Variants in RAD51B observed in about 807,000 individuals in gnomAD.
RAD51B encodes RAD51 paralog B.
RAD51B carries 38 observed loss-of-function variants against 42.2 expected under a neutral mutation model. The observed-to-expected ratio is 0.90, with a 90% CI of 0.70 to 1.18. The LOEUF (loss-of-function observed/expected upper bound fraction) is 1.18. Ranked by LOEUF, RAD51B falls within the 50% of genes most tolerant of loss-of-function variation. RAD51B has a pLI of 0.00. For synonymous variants in RAD51B, 154 were observed against 145.2 expected (o/e 1.06, Z -0.43); for missense variants, 373 against 400.7 (o/e 0.93, Z 0.59).
intron 8 of RAD51B, among the ~76,000 whole-genome samples, chr14:68,383,467 A>G (rs745394487): frequency 5.9e-5 from 9 of 152,232 alleles, no homozygotes; most frequent in African/African-American, 1.9e-4. Context: ...CATGTGGTAT[A>G]TAACACAGAT....
intron 10 of RAD51B, among the ~76,000 whole-genome samples, chr14:68,553,953 C>T (rs1343744466): frequency 1.3e-5 from 2 of 152,124 alleles, no homozygotes; most frequent in Non-Finnish European, 2.9e-5. Flanking sequence ...TGGACATAGA[C>T]CCTGAGTTAC....
intron 7 of RAD51B, among the ~76,000 whole-genome samples, chr14:68,188,719 A>T (rs574606706): frequency 6.6e-6 from 1 of 152,328 alleles, no homozygotes; most frequent in East Asian, 1.9e-4. Flanking sequence ...CTAGAAACAA[A>T]TCTGATCTAG....
At chr14:68,003,220 G>A (rs570694706) in intron 7 of RAD51B, among the ~76,000 whole-genome samples, 13 of 152,210 alleles carry the variant, frequency 8.5e-5, no homozygotes, top group Admixed American at 7.8e-4. Context: ...GTGCTTTATA[G>A]TTCTCCTTGA....
chr14:68,081,526 C>CTG (rs2076911431), intron 7 of RAD51B, among the ~76,000 whole-genome samples: 1 of 152,194 alleles, frequency 6.6e-6, no homozygotes, highest in Non-Finnish European at 1.5e-5. Context: ...AAACTCATTT[C>CTG]TGTGTTTATA....
chr14:68,544,829 G>GT (rs1471916527), intron 10 of RAD51B, among the ~76,000 whole-genome samples: 2 of 152,144 alleles, frequency 1.3e-5, no homozygotes, highest in African/African-American at 2.4e-5. Context: ...TTTTATTGAA[G>GT]TTTTTTCATG....
chr14:67,936,096 TTACA>T (rs1199707568), intron 7 of RAD51B, among the ~76,000 whole-genome samples: 1 of 152,176 alleles, frequency 6.6e-6, no homozygotes, highest in Non-Finnish European at 1.5e-5. Flanking sequence ...GAGATATAAT[TTACA>T]TACCATACAA....
At chr14:67,835,223 T>C (rs201048307) in intron 4 of RAD51B, 27 bp downstream of exon 4, 12 of 1,498,718 alleles carry the variant, frequency 8.0e-6, no homozygotes, top group Admixed American at 3.4e-5. Context: ...TCGTACCTTC[T>C]TCCATTGACC....
intron 7 of RAD51B, among the ~76,000 whole-genome samples, chr14:68,248,232 T>A (rs1432092929): frequency 6.6e-6 from 1 of 152,256 alleles, no homozygotes; most frequent in Non-Finnish European, 1.5e-5. Context: ...AACTGTACTT[T>A]CCTTGTCCAG....
chr14:68,480,617 T>TA, downstream of RAD51B, among the ~76,000 whole-genome samples: 1 of 152,042 alleles, frequency 6.6e-6, no homozygotes, highest in Non-Finnish European at 1.5e-5. Context: ...AGAGAGACGT[T>TA]AGAAATTTCT....
In RAD51B at chr14:68,081,471, C is replaced by T. The variant is rs562943469; in HGVS notation, c.756+194267C>T. 2.0e-3 allele frequency among the ~76,000 whole-genome samples: 307 copies of T among 152,230 alleles called. 1 individual carries two copies. Among genetic ancestry groups the T allele is most frequent in the Non-Finnish European group, 3.4e-3 (234 of 68,004 alleles). ...TTATTTAAAAGGAGAAGAGTGAGGG[C>T]GGAGTCCTATTTTATGGCATTTAAG... On this transcript the variant is annotated intron_variant, in intron 7 of 10. Transcript: ENST00000471583.
intron 7 of RAD51B, among the ~76,000 whole-genome samples, chr14:68,034,570 A>G (rs1246055493): frequency 2.6e-5 from 4 of 152,256 alleles, no homozygotes; most frequent in Admixed American, 2.0e-4. Context: ...TGCCCAGCCT[A>G]TTTGTCTTCT....
intron 9 of RAD51B, among the ~76,000 whole-genome samples, chr14:68,419,346 C>T (rs1468397366): frequency 1.3e-5 from 2 of 151,742 alleles, no homozygotes; most frequent in African/African-American, 4.8e-5. Flanking sequence ...CAAACCCAAT[C>T]AAATTATTGG....
At chr14:68,657,010 G>A (rs780147330) in intron 11 of RAD51B, among the ~76,000 whole-genome samples, 1 of 152,234 alleles carries the variant, frequency 6.6e-6, no homozygotes, top group South Asian at 2.1e-4. Context: ...GTACAACCTA[G>A]TCATAGTGCT....
At chr14:68,112,028 A>T (rs560778380) in intron 7 of RAD51B, among the ~76,000 whole-genome samples, 1 of 152,186 alleles carries the variant, frequency 6.6e-6, no homozygotes, top group Admixed American at 6.5e-5. Context: ...GCTAGCTCAT[A>T]ATAGGATCTC....
At chr14:67,997,199 T>A (rs2075399767) in intron 7 of RAD51B, among the ~76,000 whole-genome samples, 1 of 152,040 alleles carries the variant, frequency 6.6e-6, no homozygotes, top group Admixed American at 6.6e-5. Context: ...TACATAGTAT[T>A]TGAAACAAAA....
chr14:68,134,917 G>C (rs1056668585), intron 7 of RAD51B, among the ~76,000 whole-genome samples: 1 of 151,886 alleles, frequency 6.6e-6, no homozygotes, highest in Non-Finnish European at 1.5e-5. Context: ...GCAGAGCAAA[G>C]GTTTTACATT....
intron 9 of RAD51B, among the ~76,000 whole-genome samples, chr14:68,439,182 ACACACT>A (rs59380865): frequency 0.36 from 40,377 of 111,396 alleles, 6,090 homozygotes; most frequent in South Asian, 0.51. Flanking sequence ...ACACACACAC[ACACACT>A]CTCTCACACA....
At chr14:68,644,623 G>C (rs556357246) in intron 10 of RAD51B, among the ~76,000 whole-genome samples, 1 of 152,288 alleles carries the variant, frequency 6.6e-6, no homozygotes, top group Non-Finnish European at 1.5e-5. Flanking sequence ...TAAAGATCAG[G>C]AATATGTGAG....
chr14:67,900,824 A>T (rs540629509), intron 7 of RAD51B, among the ~76,000 whole-genome samples: 1 of 152,194 alleles, frequency 6.6e-6, no homozygotes, highest in South Asian at 2.1e-4. Flanking sequence ...CTGATACCAT[A>T]TTGTAATGAA....
Sources: gnomAD v4.1 joint callset for allele counts (sites outside exome capture counted in the v4.1 genomes callset) on GRCh38, gnomAD v4.1.1 for gene constraint, MANE v1.5 for transcripts, NCBI Gene and HGNC (gene_info 2026-07-23, HGNC 2026-07-21) for gene names.